The following SEMA5A variants were observed in gnomAD, a reference collection of about 807,000 sequenced individuals.
SEMA5A encodes semaphorin-5A.
SEMA5A carries 55 observed loss-of-function variants against 135.5 expected under a neutral mutation model. The ratio of observed to expected loss-of-function variants is 0.41; its 90% CI spans 0.33 to 0.51. The LOEUF (loss-of-function observed/expected upper bound fraction) is 0.51, where lower values mean the gene tolerates loss of function less well. Among genes scored for constraint, SEMA5A ranks in the 20% least tolerant of loss-of-function variants. The pLI, the probability that SEMA5A is intolerant of heterozygous loss-of-function variation, is 0.37. For synonymous variants in SEMA5A, 580 were observed against 546.5 expected (o/e 1.06, Z -0.85); for missense variants, 1,290 against 1,419.9 (o/e 0.91, Z 1.47).
chr5:9,387,996 ATT>A (rs936917102), intron 2 of SEMA5A, among the ~76,000 whole-genome samples: 2 of 152,162 alleles, frequency 1.3e-5, no homozygotes, highest in African/African-American at 4.8e-5. Context: ...TCATAAATGA[ATT>A]AGGGAAACAT....
At chr5:9,404,179 C>G (rs764246013) in intron 2 of SEMA5A, among the ~76,000 whole-genome samples, 4 of 152,206 alleles carry the variant, frequency 2.6e-5, no homozygotes, top group African/African-American at 9.6e-5. Flanking sequence ...GGTGATCTGC[C>G]TACCTCAGCC....
intron 16 of SEMA5A, among the ~76,000 whole-genome samples, chr5:9,080,896 G>T (rs548670553): frequency 6.6e-6 from 1 of 152,298 alleles, no homozygotes; most frequent in South Asian, 2.1e-4. Flanking sequence ...CCCACCACCT[G>T]GGTGTCATGC....
chr5:9,475,365 G>A (rs1759630310), intron 1 of SEMA5A, among the ~76,000 whole-genome samples: 1 of 152,058 alleles, frequency 6.6e-6, no homozygotes, highest in Non-Finnish European at 1.5e-5. Context: ...TTTCTTATTT[G>A]TTGTCTATTG....
At chr5:9,208,773 G>A (rs1038092927) in intron 8 of SEMA5A, among the ~76,000 whole-genome samples, 6 of 152,120 alleles carry the variant, frequency 3.9e-5, no homozygotes, top group African/African-American at 1.4e-4. Flanking sequence ...TGCCATTGGA[G>A]AGACACCAAA....
intron 11 of SEMA5A, among the ~76,000 whole-genome samples, chr5:9,179,611 C>T (rs1744393172): frequency 6.6e-6 from 1 of 152,196 alleles, no homozygotes; most frequent in South Asian, 2.1e-4. Context: ...AATACAAGAA[C>T]TAATGCTCCC....
intron 2 of SEMA5A, among the ~76,000 whole-genome samples, chr5:9,417,106 T>C (rs943629439): frequency 1.3e-5 from 2 of 152,250 alleles, no homozygotes; most frequent in Non-Finnish European, 2.9e-5. Context: ...CTCTTTATTC[T>C]GCCATGCAGA....
At chr5:9,539,280 A>G (rs550534292) in intron 1 of SEMA5A, among the ~76,000 whole-genome samples, 2 of 152,362 alleles carry the variant, frequency 1.3e-5, no homozygotes, top group South Asian at 2.1e-4. Context: ...ATTGCAGCAT[A>G]TATCAAGAGT....
chr5:9,404,207 T>C (rs1011090131), intron 2 of SEMA5A, among the ~76,000 whole-genome samples: 4 of 152,188 alleles, frequency 2.6e-5, no homozygotes, highest in African/African-American at 7.2e-5. Context: ...GTGCTGGGAT[T>C]ACAGGCGTGA....
chr5:9,244,491 C>T (rs889746649), intron 5 of SEMA5A, among the ~76,000 whole-genome samples: 3 of 152,156 alleles, frequency 2.0e-5, no homozygotes, highest in African/African-American at 7.2e-5. Flanking sequence ...TCCTACATAC[C>T]TTTGTTCAAG....
chr5:9,441,464 A>T (rs1447690213), intron 1 of SEMA5A, among the ~76,000 whole-genome samples: 1 of 152,178 alleles, frequency 6.6e-6, no homozygotes, highest in Non-Finnish European at 1.5e-5. Flanking sequence ...GAGTTAAAGC[A>T]TGAGTTCCTG....
intron 11 of SEMA5A, among the ~76,000 whole-genome samples, chr5:9,187,783 A>G (rs773911705): frequency 6.6e-6 from 1 of 152,236 alleles, no homozygotes; most frequent in African/African-American, 2.4e-5. Flanking sequence ...CAAATGGCAC[A>G]TAGTATATCA....
rs1385687864 is a variant in SEMA5A at position 9,053,888 on chromosome 5, T to TC, written c.2689+198_2689+199insG. On this transcript the variant is annotated intron_variant, in intron 19 of 22. Transcript: ENST00000382496. ...GGCTAAAGGCTTTGAACACGAGTTC[T>TC]GAATCTATAGCTCAGTGAGAACTAT... 9 of 515,622 alleles carry TC rather than the reference T, an allele frequency of 1.7e-5. No homozygotes were observed. In the African/African-American group the frequency reaches 1.8e-4, roughly 10 times the overall value. The allele number at this position is 515,622 out of a possible 1,614,324, so 31.9% of individuals were successfully genotyped here.
intron 12 of SEMA5A, among the ~76,000 whole-genome samples, chr5:9,152,550 C>G (rs1742687496): frequency 2.0e-5 from 3 of 152,290 alleles, no homozygotes; most frequent in Non-Finnish European, 4.4e-5. Flanking sequence ...TTCCTCAACT[C>G]TCTCTCTCAT....
intron 5 of SEMA5A, among the ~76,000 whole-genome samples, chr5:9,249,512 A>G (rs919788595): frequency 6.6e-6 from 1 of 152,198 alleles, no homozygotes; most frequent in Non-Finnish European, 1.5e-5. Context: ...CCGTGTGTGT[A>G]AGACATAAAC....
chr5:9,242,686 T>G (rs113870641), intron 5 of SEMA5A, among the ~76,000 whole-genome samples: 1 of 152,154 alleles, frequency 6.6e-6, no homozygotes, highest in African/African-American at 2.4e-5. Flanking sequence ...GGGCGATGGG[T>G]GCACCAGGAT....
chr5:9,382,066 C>T (rs766587329), intron 2 of SEMA5A, among the ~76,000 whole-genome samples: 6 of 150,966 alleles, frequency 4.0e-5, no homozygotes, highest in East Asian at 2.0e-4. Flanking sequence ...GAGGCTGAGG[C>T]GGGTGGATCA....
chr5:9,400,136 C>T (rs535452909), intron 2 of SEMA5A, among the ~76,000 whole-genome samples: 112 of 152,178 alleles, frequency 7.4e-4, no homozygotes, highest in Non-Finnish European at 1.5e-3. Flanking sequence ...GCGAGGGGAA[C>T]ATCACACACC....
intron 1 of SEMA5A, among the ~76,000 whole-genome samples, chr5:9,515,447 T>C (rs918186595): frequency 1.3e-5 from 2 of 152,188 alleles, no homozygotes; most frequent in African/African-American, 4.8e-5. Flanking sequence ...TTAAGAAATT[T>C]TCATTGAGAA....
rs146570635 is a variant in SEMA5A, at chr5:9,171,701, T to G, written c.1274-17006A>C. Reference sequence around the variant, plus strand: ...TTCATTGCTTTCCCTAACTGGGATGTAGATGGCTGAGAGGGAGCCGGGTTC... The same window carrying G: ...TTCATTGCTTTCCCTAACTGGGATGGAGATGGCTGAGAGGGAGCCGGGTTC... On this transcript the variant is annotated intron_variant, in intron 11 of 22. Transcript: ENST00000382496. 2.9e-3 allele frequency among the ~76,000 whole-genome samples: 439 copies of G among 152,232 alleles called. 5 individuals are homozygous for G. The highest frequency in any genetic ancestry group is 0.02 in the East Asian group (105 of 5,180).
Sources: allele counts gnomAD v4.1 joint callset (sites outside exome capture counted in the v4.1 genomes callset), GRCh38; gene constraint gnomAD v4.1.1; transcripts MANE v1.5; gene names NCBI Gene and HGNC (gene_info 2026-07-23, HGNC 2026-07-21).